The following PLPP7 variants were observed in gnomAD, a reference collection of about 807,000 sequenced individuals.
PLPP7 encodes the protein inactive phospholipid phosphatase 7.
In PLPP7, 11 loss-of-function variants were observed where a neutral mutation model predicts 16.9. That is an observed-to-expected ratio of 0.65 (90% CI 0.41 to 1.08). PLPP7 has a LOEUF of 1.08. PLPP7 is among the 50% of genes least tolerant of loss of function. The pLI is 0.00. For missense variants in PLPP7, 358 were observed against 397.1 expected (o/e 0.90, Z 0.84); for synonymous variants, 174 against 175.1 (o/e 0.99, Z 0.05).
At chr9:131,298,248 G>A (rs1835756928) in intron 1 of PLPP7, among the ~76,000 whole-genome samples, 1 of 152,104 alleles carries the variant, frequency 6.6e-6, no homozygotes, top group African/African-American at 2.4e-5. Flanking sequence ...TGCCCTTCGG[G>A]AAGTTCAGAC....
intron 1 of PLPP7, chr9:131,292,969 T>A: frequency 1.0e-6 from 1 of 985,176 alleles, no homozygotes; most frequent in Non-Finnish European, 1.2e-6. Flanking sequence ...GTGATAGACA[T>A]TTTTAAAAAT....
chr9:131,304,473 A>G (rs942611829), intron 1 of PLPP7, among the ~76,000 whole-genome samples: 4 of 152,204 alleles, frequency 2.6e-5, no homozygotes, highest in Middle Eastern at 3.2e-3. Context: ...CGTCTCTACT[A>G]AAAATACAGA....
intron 1 of PLPP7, among the ~76,000 whole-genome samples, chr9:131,305,975 C>A (rs1330753481): frequency 6.6e-6 from 1 of 151,802 alleles, no homozygotes; most frequent in African/African-American, 2.4e-5. Flanking sequence ...CGGTGGCTCA[C>A]GCCTGTAATC....
At chr9:131,298,426 C>T (rs1835759430) in intron 1 of PLPP7, among the ~76,000 whole-genome samples, 1 of 152,178 alleles carries the variant, frequency 6.6e-6, no homozygotes, top group Admixed American at 6.5e-5. Context: ...TCGCAGCCTG[C>T]AGGGCATCCC....
In PLPP7 at chr9:131,308,148, G is replaced by A; in HGVS notation, c.677G>A (p.Gly226Asp). 1 of 1,600,684 alleles carries A rather than the reference G, an allele frequency of 6.2e-7. No homozygotes were observed. The change falls in exon 2 of 2, where the codon GGC becomes GAC. Residue 226 changes from glycine (G) to aspartate (D), a missense_variant. By Grantham distance (94) the Gly-to-Asp change is moderately conservative. Coordinates refer to ENST00000372264, the MANE Select transcript of PLPP7 (RefSeq NM_032728.4). ...VLLVLWALCV[G>D]LSRVMIGRHH... ...CTGGTGCTCTGGGCCCTCTGCGTGGGCCTGTCCCGCGTGATGATCGGCCGC... is the reference window on the plus strand; with the variant it reads ...CTGGTGCTCTGGGCCCTCTGCGTGGACCTGTCCCGCGTGATGATCGGCCGC...
rs770628960 is a variant in PLPP7, at chr9:131,290,316, G to GA, written c.319_320insA (p.Ala107AspfsTer182). 31 of 1,611,694 alleles carry GA rather than the reference G, an allele frequency of 1.9e-5. No homozygotes were observed. Among genetic ancestry groups the GA allele is most frequent in the Admixed American group, 6.7e-5 (4 of 59,918 alleles). On this transcript the variant is annotated frameshift_variant, in exon 1 of 2. Transcript: ENST00000372264. LOFTEE classifies it high-confidence loss of function. The surrounding 1 kb of genome is among the most constrained non-coding windows in gnomAD (Gnocchi z 4.2). ...GTGCGCTGGCCGGGCGGCGTCCTGG[G>GA]CCAGTGCCCGCTCCATGGTCAAGCT... is the stretch of plus-strand genomic sequence containing the variant.
At position 131,289,771 on chromosome 9, in the gene PLPP7, G is replaced by A. The variant is rs1057350159; in HGVS notation, c.-227G>A. 1.7e-5 allele frequency: 7 copies of A among 401,106 alleles called. No individual in the cohort carries two copies. Among genetic ancestry groups the A allele is most frequent in the Middle Eastern group, 6.2e-4 (1 of 1,616 alleles). The allele number at this position is 401,106 out of a possible 1,614,324, so 24.8% of individuals were successfully genotyped here. A position where few individuals can be genotyped will look rare whatever the true frequency, so the allele number is the denominator to read the frequency against. ...CGGAGGCTCTGCTGGTGCAGGCCCC[G>A]CATTGGAGGGCTCGATTGGCTGCCC... On this transcript the variant is annotated 5_prime_UTR_variant, in exon 1 of 2. Transcript: ENST00000372264.
intron 1 of PLPP7, among the ~76,000 whole-genome samples, chr9:131,294,117 C>T (rs768275754): frequency 1.6e-4 from 24 of 152,174 alleles, no homozygotes; most frequent in Non-Finnish European, 3.1e-4. Context: ...GCTTGCCCCT[C>T]TCCTAGTGCA....
chr9:131,291,789 C>T (rs1835681064), intron 1 of PLPP7, among the ~76,000 whole-genome samples: 1 of 152,190 alleles, frequency 6.6e-6, no homozygotes, highest in Non-Finnish European at 1.5e-5. Flanking sequence ...ACCATGTTGG[C>T]CAGGCTGGTC....
rs963237380 is a variant in PLPP7, at chr9:131,289,853, C to T, written c.-145C>T. On this transcript the variant is annotated 5_prime_UTR_variant, in exon 1 of 2. Transcript: ENST00000372264. ...GGCAGAGGAGATAAACAGCCATGTG[C>T]AACTCTCCACACTATATTTAACAGC... 5.2e-6 allele frequency: 3 copies of T among 575,808 alleles called. No homozygotes were observed. In the African/African-American group the frequency reaches 5.8e-5, roughly 11 times the overall value. 35.7% of individuals were successfully genotyped at this position (575,808 alleles called of 1,614,324 possible). A position where few individuals can be genotyped will look rare whatever the true frequency, so the allele number is the denominator to read the frequency against.
chr9:131,291,909 TTTACA>T (rs1176482576), intron 1 of PLPP7, among the ~76,000 whole-genome samples: 5 of 152,356 alleles, frequency 3.3e-5, no homozygotes, highest in Middle Eastern at 3.4e-3. Flanking sequence ...TACTAAATTA[TTTACA>T]TTACAATAAC....
At chr9:131,292,330 C>G (rs185344870) in intron 1 of PLPP7, among the ~76,000 whole-genome samples, 1 of 152,354 alleles carries the variant, frequency 6.6e-6, no homozygotes, top group African/African-American at 2.4e-5. Context: ...TCCTTCCCAC[C>G]TTCTTTCCCC....
chr9:131,298,505 C>A (rs1030128839), intron 1 of PLPP7, among the ~76,000 whole-genome samples: 1 of 152,184 alleles, frequency 6.6e-6, no homozygotes, highest in Non-Finnish European at 1.5e-5. Context: ...ACCCCTACCC[C>A]ACTAGCCCCA....
rs1226164010 is a variant in PLPP7 at position 131,295,787 on chromosome 9, A to C, written c.451+5339A>C. ...CTTTTGTGGCTGGCTGATTTCATTTAGCATGATATCCTCGAGGTCCATCCA... is the reference window on the plus strand; with the variant it reads ...CTTTTGTGGCTGGCTGATTTCATTTCGCATGATATCCTCGAGGTCCATCCA... On this transcript the variant is annotated intron_variant, in intron 1 of 1. Coordinates refer to ENST00000372264, the MANE Select transcript of PLPP7 (RefSeq NM_032728.4). This position sits in a 1 kb window ranked among gnomAD's most constrained non-coding sequence, Gnocchi z 4.0. Among the ~76,000 whole-genome samples the C allele has an allele frequency of 6.6e-6, 1 of 152,158 alleles. No individual in the cohort carries two copies. Among genetic ancestry groups the C allele is most frequent in the Admixed American group, 6.5e-5 (1 of 15,284 alleles).
chr9:131,298,677 A>C (rs962878816), intron 1 of PLPP7, among the ~76,000 whole-genome samples: 1 of 152,220 alleles, frequency 6.6e-6, no homozygotes. Context: ...TAATTTTCAG[A>C]GGCCTCAGGA....
rs763345764 is a variant in PLPP7, at chr9:131,290,237, C to T, written c.240C>T (p.Ile80=). The T allele has an allele frequency of 3.7e-6, 6 of 1,610,052 alleles. No individual in the cohort carries two copies. In the Admixed American group the frequency reaches 6.7e-5, roughly 18 times the overall value. Residue 80 remains isoleucine (I), a synonymous_variant, in exon 1 of 2, where the codon ATC becomes ATT. Coordinates refer to ENST00000372264, the MANE Select transcript of PLPP7 (RefSeq NM_032728.4). This position sits in a 1 kb window ranked among gnomAD's most constrained non-coding sequence, Gnocchi z 4.2. ...CMQLNPSFKG[I]AFNSLLAIDI... Reference sequence around the variant, plus strand: ...AGCTGAACCCCTCCTTCAAGGGCATCGCCTTCAACTCCCTGCTGGCCATCG... The same window carrying T: ...AGCTGAACCCCTCCTTCAAGGGCATTGCCTTCAACTCCCTGCTGGCCATCG...
rs530838585 is a variant in PLPP7, at chr9:131,289,746, C to T, written c.-252C>T. On this transcript the variant is annotated 5_prime_UTR_variant, in exon 1 of 2. Coordinates refer to ENST00000372264, the MANE Select transcript of PLPP7 (RefSeq NM_032728.4). ...CCGCAGCTGTGGACTCCTCACCTCCCGGAGGCTCTGCTGGTGCAGGCCCCG... is the reference window on the plus strand; with the variant it reads ...CCGCAGCTGTGGACTCCTCACCTCCTGGAGGCTCTGCTGGTGCAGGCCCCG... The T allele has an allele frequency of 8.9e-5, 35 of 392,444 alleles. No individual in the cohort carries two copies. The highest frequency in any genetic ancestry group is 4.5e-4 in the African/African-American group (22 of 48,576). The allele number at this position is 392,444 out of a possible 1,614,324, so 24.3% of individuals were successfully genotyped here.
chr9:131,308,085 T>C lies in PLPP7; in HGVS notation c.614T>C (p.Leu205Pro). Residue 205 changes from leucine to proline, a missense_variant, in exon 2 of 2, where the codon CTC becomes CCC. Physicochemically the swap from Leu to Pro is moderately conservative, Grantham distance 98. Transcript: ENST00000372264. Reference sequence around the variant, plus strand: ...GCCGCCATGGTGTCCAAGTTCTTCCTCAGCCACCTGGTGCTGGCGGTGCCC... The same window carrying C: ...GCCGCCATGGTGTCCAAGTTCTTCCCCAGCCACCTGGTGCTGGCGGTGCCC... Reference protein sequence around the residue: ...SRAAMVSKFFLSHLVLAVPLR... With the variant: ...SRAAMVSKFFPSHLVLAVPLR... 1 of 1,601,394 alleles carries C rather than the reference T, an allele frequency of 6.2e-7. No individual in the cohort carries two copies. Among genetic ancestry groups the C allele is most frequent in the Non-Finnish European group, 8.5e-7 (1 of 1,179,806 alleles).
At chr9:131,305,679 G>A (rs996073000) in intron 1 of PLPP7, among the ~76,000 whole-genome samples, 4 of 152,222 alleles carry the variant, frequency 2.6e-5, no homozygotes, top group East Asian at 1.9e-4. Context: ...TTTTTTTGTA[G>A]AGATGGGGTT....
Sources: allele counts gnomAD v4.1 joint callset (sites outside exome capture counted in the v4.1 genomes callset), GRCh38; gene constraint gnomAD v4.1.1; non-coding constraint Gnocchi (gnomAD v3.1); transcripts MANE v1.5; gene names NCBI Gene and HGNC (gene_info 2026-07-23, HGNC 2026-07-21).